SPOCK3: variants seen among roughly 807,000 people sequenced by gnomAD.
SPOCK3 encodes the protein SPARC (osteonectin), cwcv and kazal like domains proteoglycan 3, also known as testican-3.
SPOCK3 carries 30 observed loss-of-function variants against 56.6 expected under a neutral mutation model. That is an observed-to-expected ratio of 0.53 (90% CI 0.40 to 0.72). The LOEUF is 0.72. SPOCK3 is among the 30% of genes least tolerant of loss of function. SPOCK3 has a pLI of 0.00. For missense variants in SPOCK3, 527 were observed against 530.0 expected (o/e 0.99, Z 0.06); for synonymous variants, 196 against 183.3 (o/e 1.07, Z -0.56).
chr4:166,893,439 C>T (rs1369822096), intron 5 of SPOCK3, among the ~76,000 whole-genome samples: 2 of 152,178 alleles, frequency 1.3e-5, no homozygotes, highest in South Asian at 4.1e-4. Context: ...ATACAGTTGA[C>T]AATAGCCTAC....
intron 6 of SPOCK3, among the ~76,000 whole-genome samples, chr4:166,876,036 G>A (rs926843798): frequency 1.3e-5 from 2 of 152,172 alleles, no homozygotes; most frequent in Non-Finnish European, 2.9e-5. Flanking sequence ...GAGGAGCACG[G>A]GGCTCAGGAA....
At chr4:167,020,974 T>C (rs930071236) in intron 3 of SPOCK3, among the ~76,000 whole-genome samples, 3 of 152,070 alleles carry the variant, frequency 2.0e-5, no homozygotes, top group Admixed American at 1.3e-4. Context: ...AAATTCTAAT[T>C]GGAAATATAC....
chr4:166,921,608 A>G (rs903833004), intron 4 of SPOCK3, among the ~76,000 whole-genome samples: 1 of 152,034 alleles, frequency 6.6e-6, no homozygotes, highest in Non-Finnish European at 1.5e-5. Flanking sequence ...GAGCCACTGC[A>G]CCCAGCCCGT....
At chr4:167,042,388 GT>G (rs1753309084) in intron 3 of SPOCK3, among the ~76,000 whole-genome samples, 1 of 152,154 alleles carries the variant, frequency 6.6e-6, no homozygotes, top group Non-Finnish European at 1.5e-5. Context: ...TTATGTAATT[GT>G]TATGTAATTG....
intron 7 of SPOCK3, among the ~76,000 whole-genome samples, chr4:166,782,106 T>C (rs1006922131): frequency 3.3e-5 from 5 of 152,132 alleles, no homozygotes; most frequent in African/African-American, 1.2e-4. Flanking sequence ...TTTGGGAACA[T>C]TCCAAGTCCT....
rs148172452 is a variant in SPOCK3 at position 166,839,691 on chromosome 4, C to T, written c.590-47402G>A. On this transcript the variant is annotated intron_variant, in intron 6 of 10. Coordinates refer to ENST00000357545, the MANE Select transcript of SPOCK3 (RefSeq NM_001040159.2). ...TGTGTCCTCAAGTTCACCCTAAGCT[C>T]ATTTACCATCATTATAATCAATTTA... 1.7e-3 allele frequency among the ~76,000 whole-genome samples: 258 copies of T among 152,274 alleles called. 1 individual carries two copies. Among genetic ancestry groups the T allele is most frequent in the African/African-American group, 5.8e-3 (241 of 41,550 alleles).
chr4:166,743,105 T>C (rs1011942184), intron 8 of SPOCK3, among the ~76,000 whole-genome samples: 2 of 152,092 alleles, frequency 1.3e-5, no homozygotes, highest in African/African-American at 2.4e-5. Flanking sequence ...TATAATTATA[T>C]ACACATATAA....
At chr4:166,972,964 A>G (rs963751979) in intron 4 of SPOCK3, among the ~76,000 whole-genome samples, 8 of 152,142 alleles carry the variant, frequency 5.3e-5, no homozygotes, top group African/African-American at 1.7e-4. Flanking sequence ...TGGCTTAGGC[A>G]TATTCAGATG....
intron 2 of SPOCK3, among the ~76,000 whole-genome samples, chr4:167,066,805 A>G (rs189020949): frequency 7.8e-4 from 119 of 152,062 alleles, no homozygotes; most frequent in Admixed American, 1.4e-3. Context: ...GAATATAACT[A>G]TAAGTTCAGA....
intron 4 of SPOCK3, among the ~76,000 whole-genome samples, chr4:166,931,372 C>T (rs1739755731): frequency 6.6e-6 from 1 of 151,938 alleles, no homozygotes; most frequent in African/African-American, 2.4e-5. Flanking sequence ...TGCTTTTAGC[C>T]CTGCAATTAG....
intron 2 of SPOCK3, among the ~76,000 whole-genome samples, chr4:167,206,974 AC>A (rs1370170465): frequency 1.3e-5 from 2 of 152,098 alleles, no homozygotes; most frequent in East Asian, 1.9e-4. Context: ...CACAAAAAAA[AC>A]GATAAATGTT....
intron 2 of SPOCK3, among the ~76,000 whole-genome samples, chr4:167,160,571 C>T (rs1765206183): frequency 6.8e-6 from 1 of 146,464 alleles, no homozygotes; most frequent in South Asian, 2.1e-4. Context: ...CAAAAAAGAG[C>T]CCGCATCGCC....
chr4:167,107,582 G>A (rs1760274773), intron 2 of SPOCK3, among the ~76,000 whole-genome samples: 1 of 151,760 alleles, frequency 6.6e-6, no homozygotes, highest in Admixed American at 6.6e-5. Context: ...CTCTAAGATT[G>A]GGAACACGGT....
At chr4:166,915,235 A>T (rs1177252125) in intron 4 of SPOCK3, among the ~76,000 whole-genome samples, 1 of 152,136 alleles carries the variant, frequency 6.6e-6, no homozygotes, top group Non-Finnish European at 1.5e-5. Context: ...ATGAGTTGAT[A>T]GGTGCAGCAA....
At chr4:167,143,734 G>A (rs1352792680) in intron 2 of SPOCK3, among the ~76,000 whole-genome samples, 1 of 151,930 alleles carries the variant, frequency 6.6e-6, no homozygotes, top group African/African-American at 2.4e-5. Context: ...GGAAAACCCT[G>A]AGTTCAGGCA....
intron 10 of SPOCK3, 125 bp downstream of exon 10, chr4:166,737,342 C>T: frequency 9.7e-7 from 1 of 1,029,998 alleles, no homozygotes; most frequent in South Asian, 1.9e-5. Context: ...ACTCCCTCCA[C>T]CCTAGATATT....
intron 3 of SPOCK3, among the ~76,000 whole-genome samples, chr4:167,048,964 C>T (rs897206651): frequency 4.6e-5 from 7 of 151,992 alleles, no homozygotes; most frequent in Non-Finnish European, 1.5e-5. Context: ...TTATCTAGTT[C>T]TCCAATGAGA....
intron 4 of SPOCK3, among the ~76,000 whole-genome samples, chr4:166,927,350 A>T (rs1296621418): frequency 6.6e-6 from 1 of 152,072 alleles, no homozygotes; most frequent in African/African-American, 2.4e-5. Context: ...ATGAGACCCG[A>T]TGGTTTTATA....
intron 2 of SPOCK3, among the ~76,000 whole-genome samples, chr4:167,221,175 C>A (rs1485051709): frequency 6.7e-6 from 1 of 150,368 alleles, no homozygotes; most frequent in African/African-American, 2.5e-5. Flanking sequence ...GCCTAGGCAA[C>A]AAAGTGAAAC....
Sources: allele counts gnomAD v4.1 joint callset (sites outside exome capture counted in the v4.1 genomes callset), GRCh38; gene constraint gnomAD v4.1.1; transcripts MANE v1.5; gene names NCBI Gene and HGNC (gene_info 2026-07-23, HGNC 2026-07-21).